Variants in ATXN1 observed in about 807,000 individuals in gnomAD.
ATXN1 encodes the protein ataxin 1, also known as ataxin-1.
ATXN1 carries 8 observed loss-of-function variants against 56.4 expected under a neutral mutation model. That is an observed-to-expected ratio of 0.14 (90% CI 0.08 to 0.26). The LOEUF (loss-of-function observed/expected upper bound fraction) is 0.26. Among genes scored for constraint, ATXN1 ranks in the 10% least tolerant of loss-of-function variants. ATXN1 has a pLI of 1.00. For missense variants in ATXN1, 987 were observed against 1,106.5 expected, an observed-to-expected ratio of 0.89 and a Z score of 1.53; for synonymous variants, 514 against 494.6, an observed-to-expected ratio of 1.04 and a Z score of -0.52.
At chr6:16,460,566 G>T (rs563689778) in intron 6 of ATXN1, among the ~76,000 whole-genome samples, 42 of 152,274 alleles carry the variant, frequency 2.8e-4, no homozygotes, top group Non-Finnish European at 5.3e-4. Flanking sequence ...CTCATTCAGG[G>T]ACTGGTGCTT....
chr6:16,739,179 A>AAT (rs1760243339), intron 2 of ATXN1: 1 of 146,530 alleles, frequency 6.8e-6, no homozygotes, highest in African/African-American at 2.5e-5. Context: ...TAAAAAAAAA[A>AAT]AAAAAAAAAA....
chr6:16,701,936 T>G (rs1014543186), intron 2 of ATXN1, among the ~76,000 whole-genome samples: 6 of 152,064 alleles, frequency 3.9e-5, no homozygotes, highest in South Asian at 2.1e-4. Context: ...TTCAATGCCA[T>G]CCCCATCAAG....
intron 6 of ATXN1, among the ~76,000 whole-genome samples, chr6:16,414,357 C>T (rs1212734293): frequency 3.3e-5 from 5 of 152,212 alleles, no homozygotes. Flanking sequence ...ACCCATCCAA[C>T]CCATTTTGGT....
At chr6:16,368,142 C>T (rs1468993314) in intron 6 of ATXN1, among the ~76,000 whole-genome samples, 1 of 151,442 alleles carries the variant, frequency 6.6e-6, no homozygotes, top group Non-Finnish European at 1.5e-5. Context: ...TGCACTCCAG[C>T]CTGGGAGACA....
chr6:16,660,065 C>T (rs940165797), intron 2 of ATXN1, among the ~76,000 whole-genome samples: 9 of 152,196 alleles, frequency 5.9e-5, no homozygotes, highest in Admixed American at 5.2e-4. Flanking sequence ...GCACATACTA[C>T]AACAGCTATG....
At chr6:16,678,806 C>T (rs1032507821) in intron 2 of ATXN1, among the ~76,000 whole-genome samples, 26 of 152,072 alleles carry the variant, frequency 1.7e-4, no homozygotes, top group African/African-American at 4.6e-4. Flanking sequence ...GAGGCCGAGG[C>T]GGGTGGATCA....
chr6:16,694,276 G>A (rs971163677), intron 2 of ATXN1, among the ~76,000 whole-genome samples: 5 of 137,764 alleles, frequency 3.6e-5, no homozygotes, highest in Admixed American at 2.4e-4. Context: ...TTTAAGAGAC[G>A]GAGTCTCGCT....
At chr6:16,747,363 T>G (rs930131675) in intron 2 of ATXN1, among the ~76,000 whole-genome samples, 7 of 152,102 alleles carry the variant, frequency 4.6e-5, no homozygotes, top group African/African-American at 1.7e-4. Context: ...CACGCTCTGC[T>G]CAACAAGCCC....
At chr6:16,655,960 C>T (rs370813435) in intron 3 of ATXN1, among the ~76,000 whole-genome samples, 9 of 151,496 alleles carry the variant, frequency 5.9e-5, no homozygotes, top group East Asian at 1.9e-4. Context: ...CATGGTGGCA[C>T]GCATCTGTAG....
chr6:16,346,789 A>G (rs1010216269), intron 6 of ATXN1, among the ~76,000 whole-genome samples: 1 of 152,080 alleles, frequency 6.6e-6, no homozygotes, highest in Non-Finnish European at 1.5e-5. Flanking sequence ...GCGGCTCTTG[A>G]GGAGCCCTTC....
chr6:16,623,772 A>G (rs1323273507), intron 3 of ATXN1, among the ~76,000 whole-genome samples: 1 of 152,234 alleles, frequency 6.6e-6, no homozygotes, highest in African/African-American at 2.4e-5. Flanking sequence ...TAAGGAAAAA[A>G]GGATTGGTTT....
At chr6:16,651,653 C>T (rs1018431256) in intron 3 of ATXN1, among the ~76,000 whole-genome samples, 3 of 151,772 alleles carry the variant, frequency 2.0e-5, no homozygotes, top group African/African-American at 7.3e-5. Context: ...AGCCCATAAA[C>T]GTAGGACAAT....
intron 6 of ATXN1, among the ~76,000 whole-genome samples, chr6:16,378,636 C>T (rs575019696): frequency 3.4e-4 from 51 of 152,110 alleles, no homozygotes; most frequent in Admixed American, 3.1e-3. Flanking sequence ...CACGGCTCAC[C>T]GCAGCCTTGA....
chr6:16,644,805 T>G (rs1763773541), intron 3 of ATXN1, among the ~76,000 whole-genome samples: 1 of 152,032 alleles, frequency 6.6e-6, no homozygotes. Context: ...TTTCGCAAAG[T>G]GAGCACAGCT....
intron 7 of ATXN1, among the ~76,000 whole-genome samples, chr6:16,310,881 G>A (rs1336709593): frequency 2.0e-5 from 3 of 152,214 alleles, no homozygotes; most frequent in Non-Finnish European, 4.4e-5. Context: ...TCCACAGATT[G>A]TTGCTTTTCT....
intron 6 of ATXN1, among the ~76,000 whole-genome samples, chr6:16,383,124 T>C (rs954574840): frequency 6.6e-6 from 1 of 152,162 alleles, no homozygotes; most frequent in Non-Finnish European, 1.5e-5. Flanking sequence ...AAGGAGGAAT[T>C]TGGCCTAATC....
At chr6:16,514,019 C>A (rs1369089407) in intron 5 of ATXN1, among the ~76,000 whole-genome samples, 9 of 152,152 alleles carry the variant, frequency 5.9e-5, no homozygotes, top group African/African-American at 2.2e-4. Context: ...CACTCTGATT[C>A]CTTGGAGCTG....
intron 7 of ATXN1, among the ~76,000 whole-genome samples, chr6:16,310,063 A>T (rs1043067786): frequency 8.7e-5 from 12 of 138,386 alleles, no homozygotes; most frequent in Admixed American, 2.2e-4. Context: ...CAATAGAGAA[A>T]CTCCATTAAA....
At chr6:16,494,650 A>T (rs1343228548) in intron 5 of ATXN1, among the ~76,000 whole-genome samples, 1 of 152,238 alleles carries the variant, frequency 6.6e-6, no homozygotes, top group Non-Finnish European at 1.5e-5. Flanking sequence ...GCTATGAAAT[A>T]TAATTATACA....
Sources: allele counts gnomAD v4.1 joint callset (sites outside exome capture counted in the v4.1 genomes callset), GRCh38; gene constraint gnomAD v4.1.1; transcripts MANE v1.5; gene names NCBI Gene and HGNC (gene_info 2026-07-23, HGNC 2026-07-21).